Variants in ZDHHC2 observed in about 807,000 individuals in gnomAD.
ZDHHC2 encodes palmitoyltransferase ZDHHC2.
Under a neutral mutation model 55.6 loss-of-function variants are expected in ZDHHC2, and 51 were observed. That is an observed-to-expected ratio of 0.92 (90% CI 0.73 to 1.16). The LOEUF (loss-of-function observed/expected upper bound fraction) is 1.16, where lower values mean the gene tolerates loss of function less well. Ranked by LOEUF, ZDHHC2 falls within the 50% of genes most tolerant of loss-of-function variation. The pLI, the probability that ZDHHC2 is intolerant of heterozygous loss-of-function variation, is 0.00. For synonymous variants in ZDHHC2, 199 were observed against 152.9 expected, an observed-to-expected ratio of 1.30 and a Z score of -2.22; for missense variants, 491 against 442.4, an observed-to-expected ratio of 1.11 and a Z score of -0.99.
At chr8:17,190,255 CAAA>C in intron 3 of ZDHHC2, among the ~76,000 whole-genome samples, 1 of 132,380 alleles carries the variant, frequency 7.6e-6, no homozygotes. Flanking sequence ...CACTCCGTCT[CAAA>C]AAAAAAAAAG....
At chr8:17,174,628 C>G (rs1176439850) in intron 1 of ZDHHC2, among the ~76,000 whole-genome samples, 1 of 151,738 alleles carries the variant, frequency 6.6e-6, no homozygotes. Context: ...ATAACCTACC[C>G]TTAAGAGACT....
chr8:17,216,928 A>G (rs1445857387), intron 11 of ZDHHC2, among the ~76,000 whole-genome samples: 3 of 152,074 alleles, frequency 2.0e-5, no homozygotes, highest in Non-Finnish European at 4.4e-5. Context: ...ATGTTTCTCT[A>G]CTTCCTCAGA....
chr8:17,175,954 G>C (rs1805104976), intron 1 of ZDHHC2, among the ~76,000 whole-genome samples: 1 of 152,194 alleles, frequency 6.6e-6, no homozygotes, highest in Non-Finnish European at 1.5e-5. Flanking sequence ...GGAGCTCAGT[G>C]TGGCTGCAGC....
intron 1 of ZDHHC2, among the ~76,000 whole-genome samples, chr8:17,165,952 G>A (rs1585644337): frequency 6.6e-6 from 1 of 152,312 alleles, no homozygotes; most frequent in South Asian, 2.1e-4. Flanking sequence ...GTGAGGAAGA[G>A]CAAGGAGGTC....
intron 8 of ZDHHC2, 29 bp from the exon 9 acceptor site, chr8:17,209,903 C>G (rs200968208): frequency 1.3e-6 from 2 of 1,591,212 alleles, no homozygotes; most frequent in Admixed American, 3.6e-5. Flanking sequence ...GTTCTTTACT[C>G]ATGTGATTCC....
chr8:17,157,131 C>G (rs1188519127), intron 1 of ZDHHC2, among the ~76,000 whole-genome samples: 1 of 152,124 alleles, frequency 6.6e-6, no homozygotes, highest in Non-Finnish European at 1.5e-5. Context: ...GCCGCCGCCT[C>G]GGCCACACCC....
intron 10 of ZDHHC2, among the ~76,000 whole-genome samples, chr8:17,214,631 C>T (rs766101228): frequency 7.2e-5 from 11 of 151,974 alleles, no homozygotes; most frequent in East Asian, 3.9e-4. Context: ...AAAATAGGCC[C>T]GGTGTGGTGG....
At chr8:17,197,510 T>G (rs1806379767) in intron 4 of ZDHHC2, 72 bp from the exon 5 acceptor site, 1 of 1,274,008 alleles carries the variant, frequency 7.8e-7, no homozygotes, top group East Asian at 2.4e-5. Context: ...TTTGGAGAGA[T>G]GATAAAAGCC....
At chr8:17,207,737 C>T (rs1029081417) in intron 7 of ZDHHC2, among the ~76,000 whole-genome samples, 2 of 151,772 alleles carry the variant, frequency 1.3e-5, no homozygotes, top group African/African-American at 4.8e-5. Context: ...GTTTATATTC[C>T]AAATTTTAAT....
intron 1 of ZDHHC2, among the ~76,000 whole-genome samples, chr8:17,176,259 C>G (rs1044954188): frequency 2.6e-5 from 4 of 152,230 alleles, no homozygotes; most frequent in African/African-American, 9.6e-5. Context: ...AATATCAGGA[C>G]TGGCTTGTAT....
intron 11 of ZDHHC2, 21 bp from the exon 12 acceptor site, chr8:17,217,151 A>G: frequency 6.2e-7 from 1 of 1,608,054 alleles, no homozygotes; most frequent in South Asian, 1.1e-5. Context: ...CAAAAATGCT[A>G]ACTTATGTGC....
At chr8:17,162,289 C>G (rs1213546481) in intron 1 of ZDHHC2, among the ~76,000 whole-genome samples, 1 of 152,164 alleles carries the variant, frequency 6.6e-6, no homozygotes, top group Admixed American at 6.5e-5. Context: ...ATGAATTAAT[C>G]TCATAGTTTC....
chr8:17,166,844 C>T (rs1804625238), intron 1 of ZDHHC2, among the ~76,000 whole-genome samples: 1 of 152,018 alleles, frequency 6.6e-6, no homozygotes. Flanking sequence ...ACATTGAACC[C>T]TTGTTTTGAA....
intron 1 of ZDHHC2, among the ~76,000 whole-genome samples, chr8:17,158,844 A>G (rs1047823908): frequency 3.3e-5 from 5 of 152,372 alleles, no homozygotes; most frequent in South Asian, 4.1e-4. Flanking sequence ...GCCTGGCGCA[A>G]TGCCTGCCAC....
rs1042033712 is a variant in ZDHHC2 at position 17,197,776 on chromosome 8, A to G, written c.443+125A>G. On this transcript the variant is annotated intron_variant, in intron 5 of 12. Transcript: ENST00000262096. ...CTCGCTTCTCAGCCCTTGATTTAGGAAATGGAGTTGGTATAACCCGCTGGC... is the reference window on the plus strand; with the variant it reads ...CTCGCTTCTCAGCCCTTGATTTAGGGAATGGAGTTGGTATAACCCGCTGGC... The G allele has an allele frequency of 6.5e-6, 7 of 1,082,744 alleles. No homozygotes were observed. In the African/African-American group the frequency reaches 1.1e-4, roughly 17 times the overall value. 67.1% of individuals were successfully genotyped at this position (1,082,744 alleles called of 1,614,324 possible).
rs1350880368 is a variant in ZDHHC2, at chr8:17,195,553, G to C, written c.302G>C (p.Gly101Ala). The C allele has an allele frequency of 3.7e-6, 6 of 1,613,776 alleles. No homozygotes were observed. Among genetic ancestry groups the C allele is most frequent in the Non-Finnish European group, 5.1e-6 (6 of 1,179,836 alleles). Residue 101 changes from glycine (G) to alanine (A), a missense_variant, in exon 4 of 13, where the codon GGA becomes GCA. By Grantham distance (60) the Gly-to-Ala change is moderately conservative. Coordinates refer to ENST00000262096, the MANE Select transcript of ZDHHC2 (RefSeq NM_016353.5). Reference sequence around the variant, plus strand: ...GATTTGTTGGAGAGAGAGCCAAGAGGAGAAGCCCATCAGGAAGTTCTTAGG... The same window carrying C: ...GATTTGTTGGAGAGAGAGCCAAGAGCAGAAGCCCATCAGGAAGTTCTTAGG... Reference protein sequence around the residue: ...EKDLLEREPRGEAHQEVLRRA... With the variant: ...EKDLLEREPRAEAHQEVLRRA...
At chr8:17,182,483 G>A (rs546202881) in intron 1 of ZDHHC2, among the ~76,000 whole-genome samples, 3 of 152,256 alleles carry the variant, frequency 2.0e-5, no homozygotes, top group African/African-American at 4.8e-5. Flanking sequence ...TAATCTTGGC[G>A]AAAGTGTAAT....
At chr8:17,175,236 G>A (rs1047233935) in intron 1 of ZDHHC2, among the ~76,000 whole-genome samples, 1 of 152,166 alleles carries the variant, frequency 6.6e-6, no homozygotes, top group South Asian at 2.1e-4. Context: ...GGCGTTGTGG[G>A]TTGCAGGTGT....
chr8:17,184,853 T>G (rs377134726), intron 2 of ZDHHC2, 38 bp downstream of exon 2: 1 of 1,494,044 alleles, frequency 6.7e-7, no homozygotes, highest in Non-Finnish European at 9.0e-7. Context: ...ATTTTTTAAA[T>G]AGTTTGAAAA....
Sources: gnomAD v4.1 joint callset for allele counts (sites outside exome capture counted in the v4.1 genomes callset) on GRCh38, gnomAD v4.1.1 for gene constraint, MANE v1.5 for transcripts, NCBI Gene and HGNC (gene_info 2026-07-23, HGNC 2026-07-21) for gene names.